Variants in KDM3A observed in about 807,000 individuals in gnomAD.
KDM3A encodes lysine-specific demethylase 3A.
In KDM3A, 60 loss-of-function variants were observed where a neutral mutation model predicts 158.0. The observed-to-expected ratio is 0.38, with a 90% CI of 0.31 to 0.47. KDM3A has a LOEUF of 0.47. Among genes scored for constraint, KDM3A ranks in the 20% least tolerant of loss-of-function variants. The pLI is 0.99. For missense variants in KDM3A, 1,319 were observed against 1,574.3 expected, an observed-to-expected ratio of 0.84 and a Z score of 2.74; for synonymous variants, 608 against 549.3, an observed-to-expected ratio of 1.11 and a Z score of -1.49.
rs770906961 is a variant in KDM3A at position 86,451,200 on chromosome 2, T to G, written c.440T>G (p.Leu147Trp). 6 of 1,601,734 alleles carry G rather than the reference T, an allele frequency of 3.7e-6. No individual in the cohort carries two copies. In the African/African-American group the frequency reaches 8.1e-5, roughly 22 times the overall value. The stretch of plus-strand genomic sequence containing the variant: ...AGAGTATTTCTTTCTAAAGACCTTT[T>G]GAAGCCTATACAGGTAAAACATAGA... Reference protein sequence around the residue: ...QQRVFLSKDLLKPIQDVNSLR... With the variant: ...QQRVFLSKDLWKPIQDVNSLR... The change falls in exon 4 of 26, where the codon TTG becomes TGG. Residue 147 changes from leucine (L) to tryptophan (W), a missense_variant. This residue lies in a region of KDM3A where 652 missense variants were observed against 627.2 expected (regional missense o/e 1.04). Transcript: ENST00000312912.
intron 25 of KDM3A, chr2:86,491,802 C>T (rs1674468565): frequency 3.8e-6 from 2 of 528,944 alleles, no homozygotes; most frequent in Admixed American, 6.6e-5. Flanking sequence ...AGTAGGTCTA[C>T]GTGGTATCAA....
intron 14 of KDM3A, 50 bp downstream of exon 14, chr2:86,478,315 A>G (rs1467176543): frequency 7.5e-7 from 1 of 1,338,532 alleles, no homozygotes; most frequent in Admixed American, 1.8e-5. Flanking sequence ...TGGTTAACTC[A>G]TGGGAGCTGG....
At chr2:86,482,402 T>G in intron 17 of KDM3A, 56 bp from the exon 18 acceptor site, 1 of 1,584,184 alleles carries the variant, frequency 6.3e-7, no homozygotes, top group Non-Finnish European at 8.6e-7. Flanking sequence ...GGGAATGGAG[T>G]TTCTTGATGG....
At chr2:86,449,729 A>G (rs980480160) in intron 2 of KDM3A, 78 bp from the exon 3 acceptor site, 5 of 1,429,774 alleles carry the variant, frequency 3.5e-6, no homozygotes, top group Non-Finnish European at 4.7e-6. Context: ...ATGAAGGTAT[A>G]GTTCAGCTGG....
intron 12 of KDM3A, among the ~76,000 whole-genome samples, chr2:86,475,916 A>T (rs1673638309): frequency 6.6e-6 from 1 of 152,216 alleles, no homozygotes; most frequent in Non-Finnish European, 1.5e-5. Context: ...ATATATGTGG[A>T]TACTGTCTCA....
chr2:86,463,142 T>C (rs1672993912), intron 8 of KDM3A, among the ~76,000 whole-genome samples: 1 of 152,150 alleles, frequency 6.6e-6, no homozygotes, highest in African/African-American at 2.4e-5. Flanking sequence ...AATCAAACTT[T>C]AGAAGTTAAT....
At chr2:86,460,952 G>A (rs1040555361) in intron 8 of KDM3A, 1 of 152,124 alleles carries the variant, frequency 6.6e-6, no homozygotes, top group Non-Finnish European at 1.5e-5. Context: ...AGTTGTAGAA[G>A]GAAATACTTG....
intron 12 of KDM3A, 31 bp from the exon 13 acceptor site, chr2:86,477,846 C>G: frequency 6.4e-7 from 1 of 1,564,286 alleles, no homozygotes; most frequent in Non-Finnish European, 8.7e-7. Context: ...CCTCTCCTTC[C>G]AAAGACTAAG....
In KDM3A at chr2:86,474,689, G is replaced by A; in HGVS notation, c.1725-87G>A. On this transcript the variant is annotated intron_variant, in intron 11 of 25. Transcript: ENST00000312912. Reference sequence around the variant, plus strand: ...AAAAAAAAAAAAAAAGTAATTACAAGTTGTAAATAAGTTGTGTGTGTGTGT... The same window carrying A: ...AAAAAAAAAAAAAAAGTAATTACAAATTGTAAATAAGTTGTGTGTGTGTGT... 4.4e-6 allele frequency: 3 copies of A among 688,598 alleles called. 1 individual carries two copies. Among genetic ancestry groups the A allele is most frequent in the Non-Finnish European group, 6.8e-6 (3 of 443,504 alleles). The allele number at this position is 688,598 out of a possible 1,614,324, so 42.7% of individuals were successfully genotyped here.
intron 4 of KDM3A, among the ~76,000 whole-genome samples, chr2:86,451,473 C>G (rs983964939): frequency 5.9e-5 from 9 of 152,056 alleles, no homozygotes; most frequent in Admixed American, 6.6e-5. Context: ...ATAAAATTAG[C>G]TAGATAAAAG....
At chr2:86,450,056 C>T in intron 3 of KDM3A, 94 bp downstream of exon 3, 1 of 1,310,316 alleles carries the variant, frequency 7.6e-7, no homozygotes, top group Non-Finnish European at 1.0e-6. Flanking sequence ...GCCAGAAAGT[C>T]AGAAAAGCTC....
upstream of KDM3A, among the ~76,000 whole-genome samples, chr2:86,438,374 A>C (rs1682525820): frequency 6.6e-6 from 1 of 152,096 alleles, no homozygotes; most frequent in South Asian, 2.1e-4. Flanking sequence ...ATGTTGGTCA[A>C]AGGACACAAA....
intron 16 of KDM3A, 75 bp downstream of exon 16, chr2:86,480,437 T>C: frequency 7.8e-7 from 1 of 1,282,444 alleles, no homozygotes; most frequent in Non-Finnish European, 1.1e-6. Flanking sequence ...AGAACAGTGG[T>C]TAGAAGTCGT....
chr2:86,474,683 T>A, intron 11 of KDM3A, 93 bp from the exon 12 acceptor site: 1 of 722,770 alleles, frequency 1.4e-6, no homozygotes, highest in Non-Finnish European at 2.1e-6. Context: ...AAAAAAGTAA[T>A]TACAAGTTGT....
rs539626569 is a variant in KDM3A at position 86,478,868 on chromosome 2, A to G, written c.2316+133A>G. The G allele has an allele frequency of 1.5e-4, 123 of 813,752 alleles. No homozygotes were observed. The African/African-American group carries it at 1.5e-3, about 10-fold the overall frequency. 50.4% of individuals were successfully genotyped at this position (813,752 alleles called of 1,614,324 possible). ...GCTATCAAGTGGAAAGAGAGAGAGA[A>G]AGAATTCATACAGTTCATGTGACAG... On this transcript the variant is annotated intron_variant, in intron 15 of 25. Transcript: ENST00000312912.
intron 4 of KDM3A, among the ~76,000 whole-genome samples, chr2:86,454,626 C>A (rs1025720233): frequency 1.3e-5 from 2 of 151,906 alleles, no homozygotes; most frequent in South Asian, 2.1e-4. Flanking sequence ...AAAAAAAAAA[C>A]CCAGACAGTA....
At chr2:86,483,364 T>C (rs1175712685) in intron 18 of KDM3A, 1 of 152,400 alleles carries the variant, frequency 6.6e-6, no homozygotes, top group Admixed American at 6.5e-5. Flanking sequence ...AAAATAAATT[T>C]CCAAAATGTT....
chr2:86,443,914 G>A lies in KDM3A; in HGVS notation c.186+1681G>A, dbSNP rs72844689. On this transcript the variant is annotated intron_variant, in intron 2 of 25. Transcript: ENST00000312912. ...AGTCGTGCTTGTTGTGGTTTATTTCGCCTGCCAAATAAAATTTTCTCTAGT... is the reference window on the plus strand; with the variant it reads ...AGTCGTGCTTGTTGTGGTTTATTTCACCTGCCAAATAAAATTTTCTCTAGT... 8.8e-3 allele frequency among the ~76,000 whole-genome samples: 1,336 copies of A among 152,140 alleles called. 13 individuals carry two copies. Among genetic ancestry groups the A allele is most frequent in the Non-Finnish European group, 0.014 (981 of 67,984 alleles).
chr2:86,454,752 T>C (rs1672614540), intron 4 of KDM3A, among the ~76,000 whole-genome samples: 1 of 152,222 alleles, frequency 6.6e-6, no homozygotes, highest in South Asian at 2.1e-4. Flanking sequence ...AGAGTGTTTT[T>C]TACTTGGATT....
Sources: gnomAD v4.1 joint callset for allele counts (sites outside exome capture counted in the v4.1 genomes callset) on GRCh38, gnomAD v4.1.1 for gene constraint, gnomAD v4.1.1 regional missense constraint, MANE v1.5 for transcripts, NCBI Gene and HGNC (gene_info 2026-07-23, HGNC 2026-07-21) for gene names.